GAREM1: variants seen among roughly 807,000 people sequenced by gnomAD.
The protein encoded by GAREM1 is GRB2-associated and regulator of MAPK protein 1.
A neutral mutation model predicts 71.3 loss-of-function variants in GAREM1; 26 were observed. The observed-to-expected ratio is 0.36, with a 90% CI of 0.27 to 0.51. The LOEUF is 0.51. Ranked by LOEUF, GAREM1 falls within the 20% of genes least tolerant of loss-of-function variation. The pLI is 0.95. For synonymous variants in GAREM1, 440 were observed against 433.2 expected (o/e 1.02, Z -0.20); for missense variants, 1,026 against 1,103.1 (o/e 0.93, Z 0.99).
intron 2 of GAREM1, among the ~76,000 whole-genome samples, chr18:32,350,711 A>C (rs2047740920): frequency 1.3e-5 from 2 of 152,178 alleles, no homozygotes; most frequent in Admixed American, 6.5e-5. Flanking sequence ...AAGTGTGTCC[A>C]TTATTTAGCA....
intron 1 of GAREM1, among the ~76,000 whole-genome samples, chr18:32,424,719 C>T: frequency 6.6e-6 from 1 of 152,270 alleles, no homozygotes; most frequent in African/African-American, 2.4e-5. Flanking sequence ...AAGCTTTAAG[C>T]ATGGCTTTAT....
In GAREM1 at chr18:32,287,474, C is replaced by T. The variant is rs144726811; in HGVS notation, c.1123G>A (p.Ala375Thr). 2.5e-5 allele frequency: 40 copies of T among 1,614,176 alleles called. No individual in the cohort carries two copies. The highest frequency in any genetic ancestry group is 1.4e-4 in the South Asian group (13 of 91,082). The change falls in exon 4 of 6, where the codon GCC (alanine) becomes ACC (threonine). Residue 375 changes from alanine to threonine, a missense_variant. By Grantham distance (58) the Ala-to-Thr change is moderately conservative. Around this residue, in one of 3 missense-constraint regions of GAREM1, gnomAD observed 636 missense variants for 631.2 expected, o/e 1.01. Coordinates refer to ENST00000269209, the MANE Select transcript of GAREM1 (RefSeq NM_001242409.2). This position sits in a 1 kb window ranked among gnomAD's most constrained non-coding sequence, Gnocchi z 5.9. The part of the protein sequence containing the change: ...HNHVPNSLSY[A>T]RDELTQSFHR... ...AAGGACTGGGTGAGCTCATCGCGGGCGTAGCTGAGCGAATTGGGCACGTGG... is the reference window on the plus strand; with the variant it reads ...AAGGACTGGGTGAGCTCATCGCGGGTGTAGCTGAGCGAATTGGGCACGTGG...
chr18:32,432,323 C>T (rs1299951471), intron 1 of GAREM1, among the ~76,000 whole-genome samples: 1 of 151,690 alleles, frequency 6.6e-6, no homozygotes, highest in African/African-American at 2.4e-5. Context: ...GTAGAAAGGG[C>T]TCAAATCAAT....
chr18:32,344,399 A>G (rs544843294), intron 2 of GAREM1, among the ~76,000 whole-genome samples: 16 of 152,352 alleles, frequency 1.1e-4, no homozygotes, highest in Middle Eastern at 3.4e-3. Context: ...ACCTTCTGCT[A>G]AGAGCCAATG....
chr18:32,444,014 C>T (rs965686270), intron 1 of GAREM1, among the ~76,000 whole-genome samples: 1 of 152,120 alleles, frequency 6.6e-6, no homozygotes, highest in East Asian at 1.9e-4. Context: ...AAGTCAGTCA[C>T]AAAAGGCCAC....
In GAREM1 at chr18:32,432,360, A is replaced by C. The variant is rs147277829; in HGVS notation, c.121+37948T>G. ...TAAACTTCCACTTTAAGCAACTGGAAAAAAAAGAACAGAATAAACCGAAAG... is the reference window on the plus strand; with the variant it reads ...TAAACTTCCACTTTAAGCAACTGGACAAAAAAGAACAGAATAAACCGAAAG... On this transcript the variant is annotated intron_variant, in intron 1 of 5. Transcript: ENST00000269209. 7.9e-3 allele frequency among the ~76,000 whole-genome samples: 1,200 copies of C among 152,188 alleles called. 4 individuals are homozygous for C. The highest frequency in any genetic ancestry group is 0.012 in the Non-Finnish European group (792 of 67,970).
intron 2 of GAREM1, among the ~76,000 whole-genome samples, chr18:32,323,504 T>C (rs2047448803): frequency 6.6e-6 from 1 of 152,186 alleles, no homozygotes; most frequent in Admixed American, 6.5e-5. Context: ...GGTGGGCAGA[T>C]CACTTGAGGC....
chr18:32,395,491 CAG>C (rs1484195082), intron 1 of GAREM1, among the ~76,000 whole-genome samples: 1 of 152,200 alleles, frequency 6.6e-6, no homozygotes, highest in Non-Finnish European at 1.5e-5. Context: ...TTATATAGAA[CAG>C]GGGACAGTTC....
intron 1 of GAREM1, among the ~76,000 whole-genome samples, chr18:32,462,495 A>G (rs2048962001): frequency 6.6e-6 from 1 of 152,274 alleles, no homozygotes; most frequent in East Asian, 1.9e-4. Context: ...TGAGTTCCCT[A>G]TACTCTGGAT....
At chr18:32,289,237 C>T (rs1171449990) in intron 3 of GAREM1, among the ~76,000 whole-genome samples, 1 of 152,104 alleles carries the variant, frequency 6.6e-6, no homozygotes, top group Non-Finnish European at 1.5e-5. Context: ...AGCCACCACA[C>T]CTGGCTAATA....
intron 2 of GAREM1, among the ~76,000 whole-genome samples, chr18:32,351,681 T>C (rs958786383): frequency 1.3e-5 from 2 of 150,560 alleles, no homozygotes; most frequent in Admixed American, 6.6e-5. Context: ...AGTAAATATC[T>C]CTCAAGCAAT....
At position 32,362,895 on chromosome 18, in the gene GAREM1, A is replaced by T. The variant is rs150739430; in HGVS notation, c.262+30000T>A. ...AAACTGTAAATTTGCATCTACGTTGAATCATTTTATACCAACTAGCAAAGG... is the reference window on the plus strand; with the variant it reads ...AAACTGTAAATTTGCATCTACGTTGTATCATTTTATACCAACTAGCAAAGG... On this transcript the variant is annotated intron_variant, in intron 2 of 5. Coordinates refer to ENST00000269209, the MANE Select transcript of GAREM1 (RefSeq NM_001242409.2). Among the ~76,000 whole-genome samples, 4 of 152,342 alleles carry T rather than the reference A, an allele frequency of 2.6e-5. No homozygotes were observed. The East Asian group carries it at 7.7e-4, about 29-fold the overall frequency.
intron 1 of GAREM1, among the ~76,000 whole-genome samples, chr18:32,428,635 C>T (rs1157625862): frequency 1.3e-5 from 2 of 152,172 alleles, no homozygotes; most frequent in Admixed American, 1.3e-4. Flanking sequence ...GCTGCAGATC[C>T]GTGAACCAAT....
At chr18:32,395,851 G>A (rs2048249289) in intron 1 of GAREM1, among the ~76,000 whole-genome samples, 1 of 152,156 alleles carries the variant, frequency 6.6e-6, no homozygotes, top group Non-Finnish European at 1.5e-5. Context: ...ATATGAGAAT[G>A]GACAGACTGC....
intron 1 of GAREM1, among the ~76,000 whole-genome samples, chr18:32,468,311 T>C (rs556998092): frequency 5.3e-5 from 8 of 152,242 alleles, no homozygotes; most frequent in Non-Finnish European, 1.2e-4. Context: ...GCTTAGCCCA[T>C]GGACTCTTTG....
chr18:32,264,827 TGA>T lies in GAREM1; in HGVS notation c.*3042_*3043del, dbSNP rs1229589849. The T allele has an allele frequency of 1.3e-5, 2 of 152,262 alleles. No homozygotes were observed. The highest frequency in any genetic ancestry group is 2.9e-5 in the Non-Finnish European group (2 of 68,064). The allele number at this position is 152,262 out of a possible 1,614,324, so 9.4% of individuals were successfully genotyped here. On this transcript the variant is annotated 3_prime_UTR_variant, in exon 6 of 6. Coordinates refer to ENST00000269209, the MANE Select transcript of GAREM1 (RefSeq NM_001242409.2). ...TTAGTTGCTTGGCTTGGTTTATTGC[TGA>T]TTTTCTTTTCTGATGGGGGCCATGA...
intron 1 of GAREM1, among the ~76,000 whole-genome samples, chr18:32,395,015 T>C (rs533637311): frequency 9.2e-5 from 14 of 152,346 alleles, no homozygotes; most frequent in Non-Finnish European, 1.3e-4. Context: ...TTTTATGGTA[T>C]GCTTTTTTCC....
At chr18:32,364,016 ATATATATATATGTTTTTTT>A (rs2047899074) in intron 2 of GAREM1, among the ~76,000 whole-genome samples, 1 of 49,136 alleles carries the variant, frequency 2.0e-5, no homozygotes, top group African/African-American at 1.2e-4. Context: ...ATATATATAT[ATATATATATATGTTTTTTT>A]TTTTTTTTTT....
intron 2 of GAREM1, among the ~76,000 whole-genome samples, chr18:32,329,509 C>G (rs1351644816): frequency 1.3e-5 from 2 of 151,736 alleles, no homozygotes; most frequent in Non-Finnish European, 2.9e-5. Flanking sequence ...AGTTCAAGAC[C>G]AGCCTGGCCA....
Sources: gnomAD v4.1 joint callset for allele counts (sites outside exome capture counted in the v4.1 genomes callset) on GRCh38, gnomAD v4.1.1 for gene constraint, gnomAD v4.1.1 regional missense constraint, Gnocchi (gnomAD v3.1) non-coding constraint, MANE v1.5 for transcripts, NCBI Gene and HGNC (gene_info 2026-07-23, HGNC 2026-07-21) for gene names.